The following EIF4G1 variants were observed in gnomAD, a reference collection of about 807,000 sequenced individuals.
EIF4G1 encodes eukaryotic translation initiation factor 4 gamma 1, also known as EIF4-gamma.
A neutral mutation model predicts 187.8 loss-of-function variants in EIF4G1; 4 were observed. The ratio of observed to expected loss-of-function variants is 0.02; its 90% CI spans 0.01 to 0.05. EIF4G1 has a LOEUF of 0.05. Ranked by LOEUF, EIF4G1 falls within the 10% of genes least tolerant of loss-of-function variation. The pLI is 1.00. For synonymous variants in EIF4G1, 844 were observed against 781.4 expected, an observed-to-expected ratio of 1.08 and a Z score of -1.34; for missense variants, 1,647 against 2,081.1, an observed-to-expected ratio of 0.79 and a Z score of 4.06.
In EIF4G1 at chr3:184,327,468, A is replaced by G. The variant is rs1165272143; in HGVS notation, c.3661+20A>G. The G allele has an allele frequency of 6.2e-7, 1 of 1,613,388 alleles. No homozygotes were observed. Among genetic ancestry groups the G allele is most frequent in the Non-Finnish European group, 8.5e-7 (1 of 1,179,778 alleles). On this transcript the variant is annotated intron_variant, in intron 24 of 32. Transcript: ENST00000346169. ...ATGCCGGTGAGAGTCTGGGAGAGGAATGGAGGGAAAGGCATTGGCTGCCTT... is the reference window on the plus strand; with the variant it reads ...ATGCCGGTGAGAGTCTGGGAGAGGAGTGGAGGGAAAGGCATTGGCTGCCTT...
In EIF4G1 at chr3:184,316,173, T is replaced by A; in HGVS notation, c.102T>A (p.Ser34Arg). Residue 34 changes from serine to arginine, a missense_variant, in exon 4 of 33, where the codon AGT becomes AGA. Physicochemically the swap from Ser to Arg is moderately radical, Grantham distance 110 (BLOSUM62 -1). This residue lies in a region of EIF4G1 where 61 missense variants were observed against 49.5 expected (regional missense o/e 1.23). Coordinates refer to ENST00000346169, the MANE Select transcript of EIF4G1 (RefSeq NM_198241.3). Reference sequence around the variant, plus strand: ...GGCAGACAGCGCCGGTGGTGTTCAGTACGCCACAAGCGACACAAATGAACA... The same window carrying A: ...GGCAGACAGCGCCGGTGGTGTTCAGAACGCCACAAGCGACACAAATGAACA... ...PPGQTAPVVF[S>R]TPQATQMNTP... The A allele has an allele frequency of 6.2e-7, 1 of 1,614,068 alleles. No individual in the cohort carries two copies. The highest frequency in any genetic ancestry group is 8.5e-7 in the Non-Finnish European group (1 of 1,180,012).
rs540478617 is a variant in EIF4G1 at position 184,321,926 on chromosome 3, G to T, written c.1342G>T (p.Ala448Ser). ...TGCTACTCCAGCTACGGCTCCTTCA[G>T]CTACTTCCCCAGCTCAGGAGGAGGA... ...PSATPATAPS[A>S]TSPAQEEEME... The change falls in exon 10 of 33, where the codon GCT (alanine) becomes TCT (serine). Residue 448 changes from alanine (A) to serine (S), a missense_variant. Ala to Ser is a moderately conservative substitution (Grantham distance 99). Transcript: ENST00000346169. The T allele has an allele frequency of 3.7e-6, 6 of 1,614,174 alleles. No homozygotes were observed. The South Asian group carries it at 5.5e-5, about 15-fold the overall frequency.
rs1356594816 is a variant in EIF4G1 at position 184,321,756 on chromosome 3, C to T, written c.1172C>T (p.Pro391Leu). The change falls in exon 10 of 33, where the codon CCT becomes CTT. Residue 391 changes from proline to leucine, a missense_variant. Physicochemically the swap from Pro to Leu is moderately conservative, Grantham distance 98 (BLOSUM62 -3). This residue lies in a region of EIF4G1 where 522 missense variants were observed against 485.2 expected (regional missense o/e 1.08). Transcript: ENST00000346169. The stretch of plus-strand genomic sequence containing the variant: ...CCCCCAGCTTGCCCCTCCGAATCCC[C>T]TGTGCCCATTGCTCCAACTGCCCAA... The part of the protein sequence containing the change: ...APPPACPSES[P>L]VPIAPTAQPE... The T allele has an allele frequency of 6.2e-7, 1 of 1,607,400 alleles. No individual in the cohort carries two copies.
intron 7 of EIF4G1, 153 bp from the exon 8 acceptor site, chr3:184,320,477 A>G: frequency 2.0e-6 from 3 of 1,534,604 alleles, no homozygotes; most frequent in African/African-American, 1.4e-5. Context: ...GAGCAGCCAG[A>G]TGGGCTGAAA....
intron 28 of EIF4G1, among the ~76,000 whole-genome samples, chr3:184,329,460 A>G (rs1965451): frequency 1.3e-5 from 2 of 152,066 alleles, no homozygotes; most frequent in Non-Finnish European, 2.9e-5. Flanking sequence ...GTGAAACCCC[A>G]TCTCTACTAA....
rs1724956827 is a variant in EIF4G1 at position 184,326,539 on chromosome 3, G to A, written c.3235G>A (p.Asp1079Asn). The A allele has an allele frequency of 6.2e-7, 1 of 1,613,624 alleles. No individual in the cohort carries two copies. Among genetic ancestry groups the A allele is most frequent in the Admixed American group, 1.7e-5 (1 of 59,976 alleles). The change falls in exon 22 of 33, where the codon GAT becomes AAT. Residue 1079 changes from aspartate to asparagine, a missense_variant. Physicochemically the swap from Asp to Asn is conservative, Grantham distance 23. Around this residue, in one of 11 missense-constraint regions of EIF4G1, gnomAD observed 142 missense variants for 296.6 expected, o/e 0.48. Transcript: ENST00000346169. ...TTTTCTTCTTCAGCCTGGCTCCATCGATTCTAACAACCAGCTCTTTGCACC... is the reference window on the plus strand; with the variant it reads ...TTTTCTTCTTCAGCCTGGCTCCATCAATTCTAACAACCAGCTCTTTGCACC... ...LTKITKPGSI[D>N]SNNQLFAPGG... is the part of the protein sequence containing the mutation.
At chr3:184,328,475 A>G in intron 26 of EIF4G1, 156 bp from the exon 27 acceptor site, 3 of 1,038,040 alleles carry the variant, frequency 2.9e-6, no homozygotes, top group Non-Finnish European at 1.5e-6. Context: ...AAAACCATCT[A>G]AGGACACAGA....
chr3:184,323,067 C>T lies in EIF4G1; in HGVS notation c.1930-16C>T. 6.2e-7 allele frequency: 1 copy of T among 1,614,198 alleles called. No homozygotes were observed. Among genetic ancestry groups the T allele is most frequent in the South Asian group, 1.1e-5 (1 of 91,092 alleles). On this transcript the variant is annotated splice_polypyrimidine_tract_variant and intron_variant, in intron 13 of 32. Coordinates refer to ENST00000346169, the MANE Select transcript of EIF4G1 (RefSeq NM_198241.3). This position sits in a 1 kb window ranked among gnomAD's most constrained non-coding sequence, Gnocchi z 6.9. ...CTCTAGCCTGCTTCTGAGACCTTTT[C>T]CTGTCCTCTTTGCAGGCCAATAAAA...
chr3:184,330,226 A>T (rs1299581125), intron 28 of EIF4G1, among the ~76,000 whole-genome samples: 1 of 152,124 alleles, frequency 6.6e-6, no homozygotes, highest in East Asian at 1.9e-4. Context: ...AAAATACAAA[A>T]AAATTAGCTG....
intron 9 of EIF4G1, 64 bp from the exon 10 acceptor site, chr3:184,321,218 G>T: frequency 6.2e-7 from 1 of 1,600,214 alleles, no homozygotes; most frequent in South Asian, 1.1e-5. Flanking sequence ...GCTGGAGGAT[G>T]GGGAGGAACA....
chr3:184,325,423 A>T lies in EIF4G1; in HGVS notation c.2961+50A>T, dbSNP rs1231076896. 1 of 1,614,074 alleles carries T rather than the reference A, an allele frequency of 6.2e-7. No individual in the cohort carries two copies. On this transcript the variant is annotated intron_variant, in intron 19 of 32. Transcript: ENST00000346169. This position sits in a 1 kb window ranked among gnomAD's most constrained non-coding sequence, Gnocchi z 5.2. ...GCCAGCCTGCTGCCTCCAGTTTCTG[A>T]CACTGCCTTGTCTTGCCTTCCCTGA...
rs367735062 is a variant in EIF4G1 at position 184,327,202 on chromosome 3, T to C, written c.3429-14T>C. 1 of 1,612,414 alleles carries C rather than the reference T, an allele frequency of 6.2e-7. No homozygotes were observed. Among genetic ancestry groups the C allele is most frequent in the Non-Finnish European group, 8.5e-7 (1 of 1,180,022 alleles). On this transcript the variant is annotated splice_polypyrimidine_tract_variant and intron_variant, in intron 23 of 32. Transcript: ENST00000346169. ...CAGTGCAAGTGAGTGAAAATTTGTCTGTCTGTCTTCCAGGAGTAGCTTGAG... is the reference window on the plus strand; with the variant it reads ...CAGTGCAAGTGAGTGAAAATTTGTCCGTCTGTCTTCCAGGAGTAGCTTGAG...
chr3:184,323,856 C>T lies in EIF4G1; in HGVS notation c.2351C>T (p.Thr784Met). The change falls in exon 16 of 33, where the codon ACG (threonine) becomes ATG (methionine). Residue 784 changes from threonine to methionine, a missense_variant. Physicochemically the swap from Thr to Met is moderately conservative, Grantham distance 81. Around this residue, in one of 11 missense-constraint regions of EIF4G1, gnomAD observed 2 missense variants for 23.5 expected, o/e 0.08. Transcript: ENST00000346169. The surrounding 1 kb of genome is among the most constrained non-coding windows in gnomAD (Gnocchi z 6.9). ...QMFQQLMKQV[T>M]QLAIDTEERL... ...TTCCAGCAGCTGATGAAGCAAGTGA[C>T]GCAGCTGGCCATCGACACCGAGGAA... is the stretch of plus-strand genomic sequence containing the variant. 6.8e-6 allele frequency: 11 copies of T among 1,614,220 alleles called. No homozygotes were observed. Among genetic ancestry groups the T allele is most frequent in the East Asian group, 2.2e-5 (1 of 44,892 alleles).
rs1049468492 is a variant in EIF4G1, at chr3:184,327,820, C to T, written c.3781-10C>T. 16 of 1,613,966 alleles carry T rather than the reference C, an allele frequency of 9.9e-6. No homozygotes were observed. Among genetic ancestry groups the T allele is most frequent in the Admixed American group, 1.7e-5 (1 of 60,016 alleles). ...ACTGGTCTCTTCCTGCTGTGCCCTGCACCCCTCAGGAGGCAGTCCAGTGCG... is the reference window on the plus strand; with the variant it reads ...ACTGGTCTCTTCCTGCTGTGCCCTGTACCCCTCAGGAGGCAGTCCAGTGCG... On this transcript the variant is annotated splice_polypyrimidine_tract_variant and intron_variant, in intron 25 of 32. Coordinates refer to ENST00000346169, the MANE Select transcript of EIF4G1 (RefSeq NM_198241.3).
In EIF4G1 at chr3:184,316,132, C is replaced by G; in HGVS notation, c.61C>G (p.Pro21Ala). 6.2e-7 allele frequency: 1 copy of G among 1,614,208 alleles called. No homozygotes were observed. Among genetic ancestry groups the G allele is most frequent in the Non-Finnish European group, 8.5e-7 (1 of 1,180,038 alleles). ...CTGAACTCTGGTCTCCCCTCTTCAG[C>G]CAGCGTTTCCCCCGGGGCAGACAGC... The part of the protein sequence containing the change: ...PPAPSPGLPQ[P>A]AFPPGQTAPV... Residue 21 changes from proline (P) to alanine (A), a missense_variant and splice_region_variant, in exon 4 of 33, where the codon CCA becomes GCA. By Grantham distance (27) the Pro-to-Ala change is conservative. This residue lies in a region of EIF4G1 where 61 missense variants were observed against 49.5 expected (regional missense o/e 1.23). Coordinates refer to ENST00000346169, the MANE Select transcript of EIF4G1 (RefSeq NM_198241.3).
rs199855842 is a variant in EIF4G1, at chr3:184,322,006, T to C, written c.1422T>C (p.Ala474=). The C allele has an allele frequency of 6.8e-6, 11 of 1,613,676 alleles. No individual in the cohort carries two copies. The highest frequency in any genetic ancestry group is 3.3e-5 in the Admixed American group (2 of 59,890). ...EEGEAGEAGE[A]ESEKGGEELL... Reference sequence around the variant, plus strand: ...GAGAAGCAGGAGAAGCAGGAGAAGCTGAGAGTGAGAAAGGAGGAGAGGAAC... The same window carrying C: ...GAGAAGCAGGAGAAGCAGGAGAAGCCGAGAGTGAGAAAGGAGGAGAGGAAC... The change falls in exon 10 of 33, where the codon GCT becomes GCC. Residue 474 remains alanine (A), a synonymous_variant. Coordinates refer to ENST00000346169, the MANE Select transcript of EIF4G1 (RefSeq NM_198241.3).
intron 6 of EIF4G1, among the ~76,000 whole-genome samples, chr3:184,319,471 GTGTGTGTGTGTGTT>G: frequency 8.0e-6 from 1 of 124,764 alleles, no homozygotes; most frequent in Non-Finnish European, 1.7e-5. Context: ...GTGTGTTTGT[GTGTGTGTGTGTGTT>G]AGGAATTCTT....
At chr3:184,329,129 T>A in intron 28 of EIF4G1, 139 bp downstream of exon 28, 1 of 1,025,748 alleles carries the variant, frequency 9.7e-7, no homozygotes, top group Non-Finnish European at 1.5e-6. Flanking sequence ...GGAGAGGAAA[T>A]ACTGAGGTGG....
intron 10 of EIF4G1, 57 bp from the exon 11 acceptor site, chr3:184,322,305 G>A: frequency 6.4e-7 from 1 of 1,569,318 alleles, no homozygotes; most frequent in Non-Finnish European, 8.7e-7. Context: ...AGGGATTAAG[G>A]GTACTCCTTA....
Sources: gnomAD v4.1 joint callset for allele counts (sites outside exome capture counted in the v4.1 genomes callset) on GRCh38, gnomAD v4.1.1 for gene constraint, gnomAD v4.1.1 regional missense constraint, Gnocchi (gnomAD v3.1) non-coding constraint, MANE v1.5 for transcripts, NCBI Gene and HGNC (gene_info 2026-07-23, HGNC 2026-07-21) for gene names.